Variants in ERC2 observed in about 807,000 individuals in gnomAD.
ERC2 encodes the protein ELKS/RAB6-interacting/CAST family member 2, also known as ERC protein 2.
Under a neutral mutation model 114.8 loss-of-function variants are expected in ERC2, and 42 were observed. The ratio of observed to expected loss-of-function variants is 0.37; its 90% CI spans 0.29 to 0.47. The LOEUF is 0.47. ERC2 is among the 20% of genes least tolerant of loss of function. ERC2 has a pLI of 0.99. For missense variants in ERC2, 939 were observed against 1,150.7 expected (o/e 0.82, Z 2.66); for synonymous variants, 454 against 425.5 (o/e 1.07, Z -0.82).
chr3:55,629,671 A>T (rs1456884966), intron 17 of ERC2, among the ~76,000 whole-genome samples: 1 of 152,236 alleles, frequency 6.6e-6, no homozygotes, highest in African/African-American at 2.4e-5. Context: ...TGGGCTTGCG[A>T]TGGTAAACCA....
chr3:56,408,009 T>G (rs1165612346), intron 2 of ERC2, among the ~76,000 whole-genome samples: 2 of 152,202 alleles, frequency 1.3e-5, no homozygotes, highest in African/African-American at 4.8e-5. Context: ...GGTCCCTGCA[T>G]GTATATGGCT....
chr3:56,140,019 G>A (rs2080758797), intron 5 of ERC2, among the ~76,000 whole-genome samples: 1 of 152,180 alleles, frequency 6.6e-6, no homozygotes, highest in Non-Finnish European at 1.5e-5. Context: ...GTCCTGAGGA[G>A]AGTCAATAGG....
chr3:56,064,052 C>T (rs1333188112), intron 7 of ERC2, among the ~76,000 whole-genome samples: 1 of 152,130 alleles, frequency 6.6e-6, no homozygotes, highest in Non-Finnish European at 1.5e-5. Context: ...AGAACTATGC[C>T]GTGAACAAGC....
chr3:56,279,070 C>G (rs1222166537), intron 3 of ERC2, among the ~76,000 whole-genome samples: 1 of 152,096 alleles, frequency 6.6e-6, no homozygotes, highest in Non-Finnish European at 1.5e-5. Context: ...CTGAGGAAAG[C>G]TAGGGGAGAG....
intron 14 of ERC2, among the ~76,000 whole-genome samples, chr3:55,820,728 GAGAAAATGTTCAAACA>G (rs1216512762): frequency 6.6e-6 from 1 of 152,210 alleles, no homozygotes; most frequent in Non-Finnish European, 1.5e-5. Flanking sequence ...TACTCTGGGT[GAGAAAATGTTCAAACA>G]AGAAGATGGA....
intron 7 of ERC2, among the ~76,000 whole-genome samples, chr3:56,067,417 G>C (rs1395827963): frequency 6.6e-6 from 1 of 152,184 alleles, no homozygotes; most frequent in African/African-American, 2.4e-5. Context: ...AGACTTTGCT[G>C]AAGTTGCTTA....
At chr3:56,183,353 G>C (rs1162455992) in intron 3 of ERC2, among the ~76,000 whole-genome samples, 1 of 152,164 alleles carries the variant, frequency 6.6e-6, no homozygotes, top group Non-Finnish European at 1.5e-5. Flanking sequence ...CTTACTAGGT[G>C]CATGACCTTG....
chr3:55,549,948 G>C (rs2649864), intron 17 of ERC2, among the ~76,000 whole-genome samples: 9 of 105,526 alleles, frequency 8.5e-5, no homozygotes, highest in East Asian at 5.4e-4. Context: ...GAGAGAGAGA[G>C]AGAGAGAGAG....
intron 3 of ERC2, among the ~76,000 whole-genome samples, chr3:56,237,960 G>A (rs1206410816): frequency 2.1e-5 from 3 of 146,052 alleles, no homozygotes; most frequent in African/African-American, 7.6e-5. Flanking sequence ...GAACAAATTT[G>A]TAGTTTCTAA....
At chr3:56,223,520 A>T (rs1363177955) in intron 3 of ERC2, among the ~76,000 whole-genome samples, 20 of 8,526 alleles carry the variant, frequency 2.3e-3, no homozygotes, top group Non-Finnish European at 0.012. Context: ...AAAAATGGCA[A>T]AAAAAAAAAA....
chr3:56,238,380 C>T (rs1331757610), intron 3 of ERC2, among the ~76,000 whole-genome samples: 1 of 152,218 alleles, frequency 6.6e-6, no homozygotes, highest in Non-Finnish European at 1.5e-5. Context: ...CTTAGAACCC[C>T]TGGAAGGCCT....
At chr3:56,073,326 T>C (rs760928391) in intron 7 of ERC2, among the ~76,000 whole-genome samples, 77 of 152,172 alleles carry the variant, frequency 5.1e-4, no homozygotes, top group Non-Finnish European at 9.1e-4. Flanking sequence ...TGATTATTTA[T>C]TGGGGGGCAG....
chr3:55,886,386 G>A (rs1437470035), intron 14 of ERC2, among the ~76,000 whole-genome samples: 1 of 152,178 alleles, frequency 6.6e-6, no homozygotes, highest in Non-Finnish European at 1.5e-5. Flanking sequence ...GGAAGCATAT[G>A]CAATTCCAAA....
At chr3:56,194,356 T>C (rs1012858727) in intron 3 of ERC2, among the ~76,000 whole-genome samples, 20 of 152,160 alleles carry the variant, frequency 1.3e-4, no homozygotes, top group African/African-American at 4.8e-4. Context: ...AATCCTAGAT[T>C]ATGCGGCGAG....
At chr3:56,245,426 T>C (rs933082625) in intron 3 of ERC2, among the ~76,000 whole-genome samples, 5 of 152,096 alleles carry the variant, frequency 3.3e-5, no homozygotes, top group Non-Finnish European at 7.4e-5. Context: ...TTGCTAGCTA[T>C]GGATTAGAGA....
chr3:55,998,147 A>G (rs1446806601), intron 10 of ERC2, among the ~76,000 whole-genome samples: 1 of 151,904 alleles, frequency 6.6e-6, no homozygotes, highest in Non-Finnish European at 1.5e-5. Context: ...TTTGTGTATT[A>G]AAACAACCAC....
chr3:56,177,665 T>C (rs1398132963), intron 3 of ERC2, among the ~76,000 whole-genome samples: 1 of 152,160 alleles, frequency 6.6e-6, no homozygotes, highest in Non-Finnish European at 1.5e-5. Context: ...TTTGGGCTGA[T>C]AACCACTTAT....
At chr3:56,315,446 T>A (rs560182312) in intron 2 of ERC2, among the ~76,000 whole-genome samples, 1 of 152,312 alleles carries the variant, frequency 6.6e-6, no homozygotes, top group Non-Finnish European at 1.5e-5. Context: ...AGAAATAAGA[T>A]CTCTTGATAC....
chr3:56,227,977 G>T (rs922536243), intron 3 of ERC2, among the ~76,000 whole-genome samples: 1 of 152,128 alleles, frequency 6.6e-6, no homozygotes, highest in Non-Finnish European at 1.5e-5. Flanking sequence ...CAACATGAAA[G>T]AATTTCATAG....
Sources: gnomAD v4.1 joint callset for allele counts (sites outside exome capture counted in the v4.1 genomes callset) on GRCh38, gnomAD v4.1.1 for gene constraint, MANE v1.5 for transcripts, NCBI Gene and HGNC (gene_info 2026-07-23, HGNC 2026-07-21) for gene names.